The following NEDD4 variants were observed in gnomAD, a reference collection of about 807,000 sequenced individuals.
NEDD4 encodes the protein NEDD4 E3 ubiquitin protein ligase, also known as E3 ubiquitin-protein ligase NEDD4.
A neutral mutation model predicts 144.9 loss-of-function variants in NEDD4; 99 were observed. That is an observed-to-expected ratio of 0.68 (90% confidence interval 0.58 to 0.81). The LOEUF (loss-of-function observed/expected upper bound fraction) is 0.81, where lower values mean the gene tolerates loss of function less well. Ranked by LOEUF, NEDD4 falls within the 30% of genes least tolerant of loss-of-function variation. The probability of loss-of-function intolerance (pLI) is 0.00; values close to 1 mark genes in which losing one functional copy is unlikely to be tolerated. For missense variants in NEDD4, 985 were observed against 1,065.9 expected (o/e 0.92, Z 1.06); for synonymous variants, 318 against 350.6 (o/e 0.91, Z 1.04).
intron 5 of NEDD4, among the ~76,000 whole-genome samples, chr15:55,895,016 G>A (rs1294322628): frequency 6.6e-6 from 1 of 152,084 alleles, no homozygotes; most frequent in African/African-American, 2.4e-5. Flanking sequence ...AAAGGGAGGG[G>A]CTCATCCCAT....
chr15:55,842,251 C>T (rs1483204213), intron 18 of NEDD4, 88 bp from the exon 19 acceptor site: 5 of 1,038,080 alleles, frequency 4.8e-6, no homozygotes, highest in Admixed American at 2.1e-5. Context: ...ATTCCCTCTA[C>T]ACCCTGTGTC....
intron 5 of NEDD4, chr15:55,915,809 T>A (rs763153587): frequency 6.2e-7 from 1 of 1,613,836 alleles, no homozygotes; most frequent in Non-Finnish European, 8.5e-7. Context: ...GAAGCGGCCG[T>A]ATGTCTCTTA....
chr15:55,830,299 G>A (rs1240035202), intron 28 of NEDD4, among the ~76,000 whole-genome samples: 1 of 152,198 alleles, frequency 6.6e-6, no homozygotes, highest in Admixed American at 6.5e-5. Flanking sequence ...ACTCAGTTTA[G>A]GTGGGTCTCT....
At chr15:55,916,620 C>A (rs1008965151) in intron 5 of NEDD4, 3 of 1,614,024 alleles carry the variant, frequency 1.9e-6, no homozygotes, top group Non-Finnish European at 2.5e-6. Flanking sequence ...AACAGATGAT[C>A]TTTCTTGAGA....
chr15:55,856,001 C>T, intron 12 of NEDD4, 130 bp downstream of exon 12: 2 of 716,432 alleles, frequency 2.8e-6, no homozygotes, highest in Non-Finnish European at 4.7e-6. Context: ...TGAACATCAC[C>T]ACCTGGAGCC....
At chr15:55,854,303 C>A (rs371915436) in intron 12 of NEDD4, among the ~76,000 whole-genome samples, 1 of 152,178 alleles carries the variant, frequency 6.6e-6, no homozygotes, top group African/African-American at 2.4e-5. Flanking sequence ...ACTAAATACA[C>A]GGGAGTCCTA....
chr15:55,964,175 A>C (rs2037470641), intron 2 of NEDD4, among the ~76,000 whole-genome samples: 1 of 148,238 alleles, frequency 6.7e-6, no homozygotes, highest in African/African-American at 2.5e-5. Flanking sequence ...ATATTTCTTC[A>C]AAAAATATTG....
chr15:55,884,073 T>C (rs2035300678), intron 5 of NEDD4, among the ~76,000 whole-genome samples: 1 of 152,014 alleles, frequency 6.6e-6, no homozygotes, highest in Non-Finnish European at 1.5e-5. Context: ...AGAGATTGGG[T>C]TTCACCATGT....
intron 2 of NEDD4, among the ~76,000 whole-genome samples, chr15:55,961,408 G>A (rs1269205321): frequency 1.3e-5 from 2 of 152,188 alleles, no homozygotes; most frequent in African/African-American, 4.8e-5. Flanking sequence ...AGGAACTTCT[G>A]AACCACAGAA....
chr15:55,852,256 T>C (rs150990234), intron 13 of NEDD4, among the ~76,000 whole-genome samples, 168 bp downstream of exon 13: 10 of 151,618 alleles, frequency 6.6e-5, no homozygotes, highest in African/African-American at 2.2e-4. Flanking sequence ...GATCACGCCA[T>C]TGGACTCCAG....
chr15:55,847,117 C>G, intron 17 of NEDD4, 83 bp from the exon 18 acceptor site: 1 of 773,948 alleles, frequency 1.3e-6, no homozygotes, highest in South Asian at 2.1e-5. Flanking sequence ...ATTTTATGAA[C>G]GTAAGGGCAT....
At chr15:55,869,915 T>C (rs746207089) in intron 7 of NEDD4, among the ~76,000 whole-genome samples, 2 of 146,220 alleles carry the variant, frequency 1.4e-5, no homozygotes, top group South Asian at 2.2e-4. Flanking sequence ...ACAAAGAAGA[T>C]GCTAAGGAAG....
At chr15:55,879,678 A>G (rs1218749161) in intron 5 of NEDD4, among the ~76,000 whole-genome samples, 1 of 152,178 alleles carries the variant, frequency 6.6e-6, no homozygotes, top group East Asian at 1.9e-4. Context: ...CAGAGATAAG[A>G]GGAGATGAAC....
At chr15:55,911,534 A>C (rs8031597) in intron 5 of NEDD4, among the ~76,000 whole-genome samples, 21 of 150,494 alleles carry the variant, frequency 1.4e-4, no homozygotes, top group African/African-American at 4.6e-4. Context: ...CTGAAAAAAA[A>C]TTTTTTTTTT....
Position 55,861,140 on chromosome 15 carries a change from T to C in NEDD4, c.675-362A>G, listed in dbSNP as rs184861365. ...ATTGTATTATTTTGCCATGTTATTA[T>C]AAGAGTAATAGAGTTACACATACAT... is the stretch of plus-strand genomic sequence containing the variant. On this transcript the variant is annotated intron_variant, in intron 9 of 28. Coordinates refer to ENST00000435532, the MANE Select transcript of NEDD4 (RefSeq NM_006154.4). Among the ~76,000 whole-genome samples the C allele has an allele frequency of 3.9e-5, 6 of 152,340 alleles. No homozygotes were observed. In the East Asian group the frequency reaches 5.8e-4, roughly 15 times the overall value.
intron 18 of NEDD4, among the ~76,000 whole-genome samples, chr15:55,844,072 A>C (rs1377860845): frequency 6.6e-6 from 1 of 152,192 alleles, no homozygotes; most frequent in African/African-American, 2.4e-5. Flanking sequence ...AAATGAGGCA[A>C]TCAAGAAGGC....
At chr15:55,950,108 T>A (rs758457855) in intron 4 of NEDD4, among the ~76,000 whole-genome samples, 1 of 152,116 alleles carries the variant, frequency 6.6e-6, no homozygotes, top group Non-Finnish European at 1.5e-5. Flanking sequence ...AAACCAGACA[T>A]TATCAAGTCT....
chr15:55,842,166 GA>G lies in NEDD4; in HGVS notation c.1609-4del. On this transcript the variant is annotated splice_polypyrimidine_tract_variant and splice_region_variant and intron_variant, in intron 18 of 28. Transcript: ENST00000435532. ...TCAAATTTGTTTGGAATGTCATTCT[GA>G]AAATCCAGAGGAGAGACGTACTGTT... 1 of 1,612,610 alleles carries G rather than the reference GA, an allele frequency of 6.2e-7. No individual in the cohort carries two copies. The highest frequency in any genetic ancestry group is 1.1e-5 in the South Asian group (1 of 91,028).
intron 4 of NEDD4, among the ~76,000 whole-genome samples, chr15:55,926,169 T>A (rs2036661491): frequency 6.6e-6 from 1 of 152,158 alleles, no homozygotes; most frequent in Non-Finnish European, 1.5e-5. Flanking sequence ...TTCTATATAT[T>A]GTTTTTTTGT....
Sources: allele counts gnomAD v4.1 joint callset (sites outside exome capture counted in the v4.1 genomes callset), GRCh38; gene constraint gnomAD v4.1.1; transcripts MANE v1.5; gene names NCBI Gene and HGNC (gene_info 2026-07-23, HGNC 2026-07-21).